Variants in NHEJ1 observed in about 807,000 individuals in gnomAD.
NHEJ1 encodes non-homologous end-joining factor 1.
A neutral mutation model predicts 39.4 loss-of-function variants in NHEJ1; 22 were observed. The ratio of observed to expected loss-of-function variants is 0.56; its 90% CI spans 0.40 to 0.80. The LOEUF is 0.80. Ranked by LOEUF, NHEJ1 falls within the 30% of genes least tolerant of loss-of-function variation. The pLI is 0.00. For synonymous variants in NHEJ1, 154 were observed against 135.6 expected, an observed-to-expected ratio of 1.14 and a Z score of -0.94; for missense variants, 329 against 357.1, an observed-to-expected ratio of 0.92 and a Z score of 0.63.
chr2:219,089,596 TG>T (rs1949143115), intron 5 of NHEJ1, among the ~76,000 whole-genome samples: 1 of 152,206 alleles, frequency 6.6e-6, no homozygotes, highest in African/African-American at 2.4e-5. Context: ...GAATGGAGAA[TG>T]ACTGCAAATA....
intron 1 of NHEJ1, among the ~76,000 whole-genome samples, chr2:219,160,275 C>T (rs1477579847): frequency 1.3e-5 from 2 of 152,212 alleles, no homozygotes; most frequent in Non-Finnish European, 2.9e-5. Context: ...CAGAGAGCAT[C>T]CCGGCTGGGC....
chr2:219,153,987 A>C (rs894238955), intron 3 of NHEJ1, among the ~76,000 whole-genome samples: 1 of 152,266 alleles, frequency 6.6e-6, no homozygotes, highest in Non-Finnish European at 1.5e-5. Flanking sequence ...ACACATTTAC[A>C]TGCAGGAAAA....
intron 5 of NHEJ1, among the ~76,000 whole-genome samples, chr2:219,083,238 C>G (rs1428672863): frequency 6.6e-6 from 1 of 152,102 alleles, no homozygotes; most frequent in Non-Finnish European, 1.5e-5. Context: ...AATGTATACT[C>G]TGTGAAATGG....
intron 5 of NHEJ1, among the ~76,000 whole-genome samples, chr2:219,130,618 C>T (rs1007957092): frequency 4.6e-5 from 7 of 152,304 alleles, no homozygotes; most frequent in African/African-American, 1.7e-4. Flanking sequence ...CCACATCTCC[C>T]ATTTACTGTC....
chr2:219,101,787 G>A (rs894038320), intron 5 of NHEJ1, among the ~76,000 whole-genome samples: 4 of 147,924 alleles, frequency 2.7e-5, no homozygotes, highest in Admixed American at 6.8e-5. Flanking sequence ...GTGCAGTGGC[G>A]CGATCTCAGC....
At chr2:219,153,813 T>C (rs1303261539) in intron 3 of NHEJ1, among the ~76,000 whole-genome samples, 1 of 152,184 alleles carries the variant, frequency 6.6e-6, no homozygotes, top group Non-Finnish European at 1.5e-5. Context: ...GAGTATGTTA[T>C]GCTGGAGAAG....
At chr2:219,152,038 C>A (rs1949801236) in intron 3 of NHEJ1, among the ~76,000 whole-genome samples, 1 of 152,040 alleles carries the variant, frequency 6.6e-6, no homozygotes, top group Admixed American at 6.6e-5. Context: ...AAGGAAAAAT[C>A]TTGAAGGGCT....
In NHEJ1 at chr2:219,095,242, T is replaced by G. The variant is rs1294954167; in HGVS notation, c.589-17036A>C. 3 of 468,254 alleles carry G rather than the reference T, an allele frequency of 6.4e-6. No individual in the cohort carries two copies. The Admixed American group carries it at 7.1e-5, about 11-fold the overall frequency. The allele number at this position is 468,254 out of a possible 1,614,324, so 29.0% of individuals were successfully genotyped here. ...CTTTTGTAAGATCTGTGAGACAGTA[T>G]GTCAGGGAAGACAATGGAAACAAAA... On this transcript the variant is annotated intron_variant, in intron 5 of 7. Coordinates refer to ENST00000356853, the MANE Select transcript of NHEJ1 (RefSeq NM_024782.3).
intron 5 of NHEJ1, among the ~76,000 whole-genome samples, chr2:219,138,553 T>A (rs903236409): frequency 2.0e-5 from 3 of 152,216 alleles, no homozygotes; most frequent in Admixed American, 6.5e-5. Flanking sequence ...GTGCCTACTA[T>A]GTGTGGAGGC....
Position 219,070,091 on chromosome 2 carries a change from T to C in NHEJ1, c.*6290A>G, listed in dbSNP as rs1053383626. On this transcript the variant is annotated 3_prime_UTR_variant, in exon 8 of 8. Transcript: ENST00000356853. Reference sequence around the variant, plus strand: ...CCAACAGGGGCATTATGCTCCTTGCTGAATGGCCACAAACTGCCTGTGTTC... The same window carrying C: ...CCAACAGGGGCATTATGCTCCTTGCCGAATGGCCACAAACTGCCTGTGTTC... Among the ~76,000 whole-genome samples, 2 of 152,242 alleles carry C rather than the reference T, an allele frequency of 1.3e-5. No individual in the cohort carries two copies. Among genetic ancestry groups the C allele is most frequent in the Non-Finnish European group, 2.9e-5 (2 of 68,030 alleles).
intron 5 of NHEJ1, among the ~76,000 whole-genome samples, chr2:219,108,430 A>T (rs1949333101): frequency 6.6e-6 from 1 of 152,186 alleles, no homozygotes; most frequent in Non-Finnish European, 1.5e-5. Flanking sequence ...TATGTCTTTG[A>T]GCAAGCATCT....
At chr2:219,144,573 A>G (rs186683104) in intron 5 of NHEJ1, among the ~76,000 whole-genome samples, 1 of 152,140 alleles carries the variant, frequency 6.6e-6, no homozygotes, top group Non-Finnish European at 1.5e-5. Flanking sequence ...AACATTGGAC[A>G]TTCTAGATCA....
chr2:219,159,533 A>T (rs1334519449), intron 1 of NHEJ1, among the ~76,000 whole-genome samples: 1 of 93,076 alleles, frequency 1.1e-5, no homozygotes, highest in Non-Finnish European at 2.0e-5. Context: ...ATGCATATAT[A>T]TATGCATATA....
chr2:219,109,455 G>A (rs942677540), intron 5 of NHEJ1, among the ~76,000 whole-genome samples: 1 of 152,162 alleles, frequency 6.6e-6, no homozygotes, highest in Non-Finnish European at 1.5e-5. Context: ...TAAGTCAGAC[G>A]GGCACCAACG....
At chr2:219,087,174 A>G (rs73991025) in intron 5 of NHEJ1, among the ~76,000 whole-genome samples, 2,456 of 152,314 alleles carry the variant, frequency 0.016, 69 homozygotes, top group African/African-American at 0.056. Context: ...AAGCAGTTTG[A>G]ACATTATTTT....
intron 5 of NHEJ1, among the ~76,000 whole-genome samples, chr2:219,082,684 T>G (rs1343729654): frequency 1.3e-5 from 2 of 152,238 alleles, no homozygotes; most frequent in Non-Finnish European, 2.9e-5. Context: ...CCTTTGAGCA[T>G]GTCTTTGGTT....
rs1004825218 is a variant in NHEJ1 at position 219,071,993 on chromosome 2, G to A, written c.*4388C>T. On this transcript the variant is annotated 3_prime_UTR_variant, in exon 8 of 8. Transcript: ENST00000356853. ...GAGAACTGAGAGCCCAGAGCTGAGAGGATACATAAAAGGCCACCACAAAAA... is the reference window on the plus strand; with the variant it reads ...GAGAACTGAGAGCCCAGAGCTGAGAAGATACATAAAAGGCCACCACAAAAA... 3.3e-5 allele frequency among the ~76,000 whole-genome samples: 5 copies of A among 152,156 alleles called. No homozygotes were observed. Among genetic ancestry groups the A allele is most frequent in the African/African-American group, 1.2e-4 (5 of 41,414 alleles).
At chr2:219,120,972 G>A (rs1485459711) in intron 5 of NHEJ1, among the ~76,000 whole-genome samples, 1 of 152,118 alleles carries the variant, frequency 6.6e-6, no homozygotes, top group Non-Finnish European at 1.5e-5. Context: ...TGAGGTGGGT[G>A]GATCACTTGA....
At chr2:219,102,161 T>C (rs183068488) in intron 5 of NHEJ1, among the ~76,000 whole-genome samples, 2 of 152,342 alleles carry the variant, frequency 1.3e-5, no homozygotes, top group Middle Eastern at 3.4e-3. Context: ...TTTGCATGTT[T>C]AATAATTTTA....
Sources: allele counts gnomAD v4.1 joint callset (sites outside exome capture counted in the v4.1 genomes callset), GRCh38; gene constraint gnomAD v4.1.1; transcripts MANE v1.5; gene names NCBI Gene and HGNC (gene_info 2026-07-23, HGNC 2026-07-21).